The following GALNT13 variants were observed in gnomAD, a reference collection of about 807,000 sequenced individuals.
The protein encoded by GALNT13 is polypeptide N-acetylgalactosaminyltransferase 13.
A neutral mutation model predicts 64.2 loss-of-function variants in GALNT13; 28 were observed. That is an observed-to-expected ratio of 0.44 (90% CI 0.32 to 0.60). The LOEUF (loss-of-function observed/expected upper bound fraction) is 0.60. GALNT13 is among the 20% of genes least tolerant of loss of function. The pLI, the probability that GALNT13 is intolerant of heterozygous loss-of-function variation, is 0.05. For missense variants in GALNT13, 577 were observed against 669.8 expected (o/e 0.86, Z 1.53); for synonymous variants, 214 against 224.6 (o/e 0.95, Z 0.42).
intron 3 of GALNT13, among the ~76,000 whole-genome samples, chr2:154,043,090 G>A (rs960579993): frequency 6.6e-6 from 1 of 152,028 alleles, no homozygotes; most frequent in African/African-American, 2.4e-5. Context: ...AACATCATAT[G>A]CAAAGGCCCT....
At chr2:153,698,106 G>A in the GALNT13 span, among the ~76,000 whole-genome samples, 3 of 152,180 alleles carry the variant, frequency 2.0e-5, no homozygotes, top group African/African-American at 7.2e-5. Flanking sequence ...ACTAAATATG[G>A]AAAGGAAAAA....
At chr2:153,595,602 C>A in the GALNT13 span, among the ~76,000 whole-genome samples, 1 of 151,208 alleles carries the variant, frequency 6.6e-6, no homozygotes. Flanking sequence ...ATAATAAAAC[C>A]CAACTATACG....
intron 4 of GALNT13, among the ~76,000 whole-genome samples, chr2:154,190,499 T>G (rs1686516522): frequency 1.3e-5 from 2 of 152,208 alleles, no homozygotes; most frequent in African/African-American, 2.4e-5. Context: ...AAAAGTGTAT[T>G]TATTTAATTG....
intron 4 of GALNT13, among the ~76,000 whole-genome samples, chr2:154,226,277 A>G (rs1427491974): frequency 1.3e-5 from 2 of 152,140 alleles, no homozygotes; most frequent in African/African-American, 4.8e-5. Context: ...TCTCACCTTA[A>G]GTGATCAAAG....
intron 10 of GALNT13, among the ~76,000 whole-genome samples, chr2:154,408,038 C>A (rs1006711720): frequency 1.8e-4 from 27 of 152,062 alleles, no homozygotes; most frequent in African/African-American, 5.6e-4. Flanking sequence ...ACCAACTGAA[C>A]AGTAAAATAT....
chr2:154,185,691 T>A (rs1244607869), intron 4 of GALNT13, among the ~76,000 whole-genome samples: 2 of 151,912 alleles, frequency 1.3e-5, no homozygotes, highest in East Asian at 3.8e-4. Flanking sequence ...GAATTTCTAT[T>A]TTTTTATAAT....
At chr2:153,323,774 G>C in the GALNT13 span, among the ~76,000 whole-genome samples, 1 of 152,092 alleles carries the variant, frequency 6.6e-6, no homozygotes, top group Non-Finnish European at 1.5e-5. Flanking sequence ...GTTTTTGTCA[G>C]GTTTGTCAAA....
chr2:154,175,474 G>T (rs1685594178), intron 4 of GALNT13, among the ~76,000 whole-genome samples: 1 of 152,106 alleles, frequency 6.6e-6, no homozygotes, highest in South Asian at 2.1e-4. Context: ...TTAGTCAGGT[G>T]GCAGAACTGA....
chr2:153,666,256 CAT>C, the GALNT13 span, among the ~76,000 whole-genome samples: 2 of 152,154 alleles, frequency 1.3e-5, no homozygotes, highest in African/African-American at 2.4e-5. Flanking sequence ...TTTGCCAGCA[CAT>C]GATTGCCCAT....
intron 9 of GALNT13, among the ~76,000 whole-genome samples, chr2:154,357,280 A>G (rs146612723): frequency 0.026 from 4,008 of 152,142 alleles, 84 homozygotes; most frequent in Non-Finnish European, 0.041. Context: ...TTGGGGCAAT[A>G]TGTATTCTAA....
chr2:153,372,792 T>C, the GALNT13 span, among the ~76,000 whole-genome samples: 4 of 152,340 alleles, frequency 2.6e-5, no homozygotes, highest in East Asian at 1.9e-4. Flanking sequence ...CTGAGCATCA[T>C]ATGGGTTTTG....
At chr2:154,378,289 C>T (rs1453369048) in intron 9 of GALNT13, among the ~76,000 whole-genome samples, 2 of 152,128 alleles carry the variant, frequency 1.3e-5, no homozygotes, top group Admixed American at 1.3e-4. Context: ...GTTACTGAGA[C>T]TCCTTGGTTG....
intron 4 of GALNT13, among the ~76,000 whole-genome samples, chr2:154,174,618 T>C (rs886937498): frequency 6.6e-6 from 1 of 152,104 alleles, no homozygotes; most frequent in African/African-American, 2.4e-5. Flanking sequence ...AGTTTTGGAG[T>C]GTTTGAGTTT....
At chr2:153,850,892 T>G in the GALNT13 span, among the ~76,000 whole-genome samples, 1 of 152,144 alleles carries the variant, frequency 6.6e-6, no homozygotes, top group Non-Finnish European at 1.5e-5. Context: ...CATTAGGATA[T>G]GTGAGACATC....
intron 3 of GALNT13, among the ~76,000 whole-genome samples, chr2:154,108,698 T>C (rs1317188542): frequency 6.6e-6 from 1 of 150,818 alleles, no homozygotes; most frequent in Non-Finnish European, 1.5e-5. Flanking sequence ...TTTTTTTTTC[T>C]TCTTTTAGTT....
chr2:153,300,852 A>C, the GALNT13 span, among the ~76,000 whole-genome samples: 1 of 152,168 alleles, frequency 6.6e-6, no homozygotes, highest in Non-Finnish European at 1.5e-5. Context: ...AATCATGAAG[A>C]TCACACTGAT....
At chr2:153,821,757 G>T in the GALNT13 span, among the ~76,000 whole-genome samples, 1 of 152,056 alleles carries the variant, frequency 6.6e-6, no homozygotes, top group Admixed American at 6.6e-5. Context: ...ACAGAATTGT[G>T]ACCCAAAAAT....
the GALNT13 span, among the ~76,000 whole-genome samples, chr2:153,567,660 A>G: frequency 5.3e-5 from 8 of 152,228 alleles, no homozygotes; most frequent in African/African-American, 1.9e-4. Flanking sequence ...AGGACACCAA[A>G]CAGAACACTC....
chr2:154,404,359 G>A (rs920514069), intron 10 of GALNT13, among the ~76,000 whole-genome samples: 8 of 152,132 alleles, frequency 5.3e-5, no homozygotes, highest in African/African-American at 1.7e-4. Flanking sequence ...AACAGAAAAC[G>A]ACTAGAACAG....
Sources: gnomAD v4.1 joint callset for allele counts (sites outside exome capture counted in the v4.1 genomes callset) on GRCh38, gnomAD v4.1.1 for gene constraint, MANE v1.5 for transcripts, NCBI Gene and HGNC (gene_info 2026-07-23, HGNC 2026-07-21) for gene names.